SETX: variants seen among roughly 807,000 people sequenced by gnomAD.
The protein encoded by SETX is helicase senataxin.
A neutral mutation model predicts 227.2 loss-of-function variants in SETX; 90 were observed. The ratio of observed to expected loss-of-function variants is 0.40; its 90% CI spans 0.33 to 0.47. SETX has a LOEUF of 0.47. Among genes scored for constraint, SETX ranks in the 20% least tolerant of loss-of-function variants. The probability of loss-of-function intolerance (pLI) is 0.91; values close to 1 mark genes in which losing one functional copy is unlikely to be tolerated. For synonymous variants in SETX, 1,210 were observed against 1,113.2 expected, an observed-to-expected ratio of 1.09 and a Z score of -1.73; for missense variants, 3,052 against 3,181.5, an observed-to-expected ratio of 0.96 and a Z score of 0.98.
chr9:132,337,993 A>T (rs531285259), intron 5 of SETX, among the ~76,000 whole-genome samples: 1 of 152,262 alleles, frequency 6.6e-6, no homozygotes, highest in South Asian at 2.1e-4. Flanking sequence ...CAAGCTGAGA[A>T]GGACAGTAAC....
chr9:132,350,730 G>A (rs573632843), intron 2 of SETX, among the ~76,000 whole-genome samples: 1 of 152,160 alleles, frequency 6.6e-6, no homozygotes, highest in East Asian at 1.9e-4. Context: ...AAAGAATTTA[G>A]GGTAGCTTTC....
chr9:132,267,852 G>A (rs1842721300), intron 25 of SETX, among the ~76,000 whole-genome samples: 1 of 152,136 alleles, frequency 6.6e-6, no homozygotes, highest in South Asian at 2.1e-4. Context: ...TCACAATCAT[G>A]ATGCGCCTCA....
chr9:132,280,637 C>G (rs1278853136), intron 20 of SETX, among the ~76,000 whole-genome samples: 1 of 152,170 alleles, frequency 6.6e-6, no homozygotes, highest in Non-Finnish European at 1.5e-5. Context: ...TCATTCCAAG[C>G]TTCAACAAAA....
At chr9:132,320,548 C>T (rs1037446809) in intron 10 of SETX, among the ~76,000 whole-genome samples, 5 of 125,154 alleles carry the variant, frequency 4.0e-5, no homozygotes, top group African/African-American at 1.5e-4. Flanking sequence ...GAGCCAAGAT[C>T]GCACCACTGC....
At chr9:132,310,301 A>G (rs986853096) in intron 11 of SETX, among the ~76,000 whole-genome samples, 1 of 152,244 alleles carries the variant, frequency 6.6e-6, no homozygotes, top group Non-Finnish European at 1.5e-5. Flanking sequence ...AACTTCTCAT[A>G]TACTGCTGGT....
chr9:132,328,646 T>A lies in SETX; in HGVS notation c.2952A>T (p.Ser984=). Reference sequence around the variant, plus strand: ...CTTTTACTTTCCTTTGCAGCTGCGATGAGTTCTGAGGTGAATCGGATGGGA... The same window carrying A: ...CTTTTACTTTCCTTTGCAGCTGCGAAGAGTTCTGAGGTGAATCGGATGGGA... The part of the protein sequence containing the change: ...ITFPSDSPQN[S]SQLQRKVKED... The change falls in exon 10 of 26, where the codon TCA becomes TCT. Residue 984 remains serine, a synonymous_variant. Coordinates refer to ENST00000224140, the MANE Select transcript of SETX (RefSeq NM_015046.7). 6.2e-7 allele frequency: 1 copy of A among 1,613,318 alleles called. No homozygotes were observed. Among genetic ancestry groups the A allele is most frequent in the Non-Finnish European group, 8.5e-7 (1 of 1,179,638 alleles).
At chr9:132,336,599 C>T (rs1035415207) in intron 5 of SETX, 84 bp from the exon 6 acceptor site, 15 of 1,008,750 alleles carry the variant, frequency 1.5e-5, no homozygotes, top group Non-Finnish European at 2.0e-5. Context: ...ACAGGATTCT[C>T]TGCATATTTT....
chr9:132,340,799 G>A (rs501377), intron 5 of SETX, among the ~76,000 whole-genome samples: 112,678 of 152,172 alleles, frequency 0.74, 42,979 homozygotes, highest in Non-Finnish European at 0.83. Flanking sequence ...TTTTAGTTGA[G>A]AACAGATTTG....
rs368097534 is a variant in SETX at position 132,335,923 on chromosome 9, G to A, written c.718+373C>T. 9.3e-4 allele frequency among the ~76,000 whole-genome samples: 141 copies of A among 152,240 alleles called. 5 individuals are homozygous for A. The South Asian group carries it at 0.028, about 31-fold the overall frequency. ...GTAAGTTTCATCAGATCACCAAAGA[G>A]AACACTTCCCTTTTAGGACCCTCAT... On this transcript the variant is annotated intron_variant, in intron 6 of 25. Coordinates refer to ENST00000224140, the MANE Select transcript of SETX (RefSeq NM_015046.7).
At chr9:132,348,565 A>C (rs997581896) in intron 3 of SETX, among the ~76,000 whole-genome samples, 1 of 152,114 alleles carries the variant, frequency 6.6e-6, no homozygotes, top group African/African-American at 2.4e-5. Context: ...TTTCAATTCC[A>C]TCCGTGATAA....
rs1842525090 is a variant in SETX at position 132,264,404 on chromosome 9, A to G, written c.7869T>C (p.Asp2623=). 3.1e-6 allele frequency: 5 copies of G among 1,614,128 alleles called. No homozygotes were observed. Among genetic ancestry groups the G allele is most frequent in the Non-Finnish European group, 4.2e-6 (5 of 1,180,024 alleles). Residue 2623 remains aspartate (D), a synonymous_variant, in exon 26 of 26, where the codon GAT becomes GAC. Coordinates refer to ENST00000224140, the MANE Select transcript of SETX (RefSeq NM_015046.7). Reference sequence around the variant, plus strand: ...TGTGACAGAGCTCCTCTTCCGGGTCATCACATTTGCTCTGACACGTGGAAG... The same window carrying G: ...TGTGACAGAGCTCCTCTTCCGGGTCGTCACATTTGCTCTGACACGTGGAAG... ...PEASTCQSKC[D]DPEEELCHRR... is the part of the protein sequence containing the mutation.
In SETX at chr9:132,327,628, T is replaced by C. The variant is rs1846912716; in HGVS notation, c.3970A>G (p.Lys1324Glu). The change falls in exon 10 of 26, where the codon AAA (lysine) becomes GAA (glutamate). Residue 1324 changes from lysine (K) to glutamate (E), a missense_variant. Transcript: ENST00000224140. ...TGAGGAGAAATTAATTTAGTCTTTT[T>C]TCGGGTATCAACTACTCCAACAGTT... is the stretch of plus-strand genomic sequence containing the variant. ...GKTVGVVDTR[K>E]KTKLISPQNL... The C allele has an allele frequency of 1.2e-6, 2 of 1,614,052 alleles. No individual in the cohort carries two copies. Among genetic ancestry groups the C allele is most frequent in the African/African-American group, 2.7e-5 (2 of 75,006 alleles).
chr9:132,334,133 G>A (rs1330971599), intron 7 of SETX, among the ~76,000 whole-genome samples: 1 of 152,152 alleles, frequency 6.6e-6, no homozygotes, highest in Admixed American at 6.5e-5. Flanking sequence ...TTCTATGAAA[G>A]GAAGGTATTG....
chr9:132,337,361 T>C (rs572674145), intron 5 of SETX, among the ~76,000 whole-genome samples: 26 of 151,384 alleles, frequency 1.7e-4, no homozygotes, highest in Non-Finnish European at 2.8e-4. Flanking sequence ...CATTTCTAAA[T>C]GGCAGAATAG....
chr9:132,305,463 A>G (rs1047527244), intron 11 of SETX, among the ~76,000 whole-genome samples: 1 of 152,134 alleles, frequency 6.6e-6, no homozygotes, highest in Admixed American at 6.5e-5. Context: ...CTCATTACAA[A>G]TGAAAAAATA....
Position 132,327,783 on chromosome 9 carries a change from T to C in SETX, c.3815A>G (p.Lys1272Arg), listed in dbSNP as rs202204341. 3.5e-5 allele frequency: 56 copies of C among 1,614,214 alleles called. No homozygotes were observed. In the East Asian group the frequency reaches 5.3e-4, roughly 15 times the overall value. ...CRTTPAIVPP[K>R]KFRQCPEPTS... ...TGGCTCAGGACACTGACGAAATTTC[T>C]TTGGCGGCACTATAGCAGGAGTTGT... is the stretch of plus-strand genomic sequence containing the variant. The change falls in exon 10 of 26, where the codon AAG becomes AGG. Residue 1272 changes from lysine to arginine, a missense_variant. Physicochemically the swap from Lys to Arg is conservative, Grantham distance 26 (BLOSUM62 2). Coordinates refer to ENST00000224140, the MANE Select transcript of SETX (RefSeq NM_015046.7).
chr9:132,346,546 A>G, intron 3 of SETX, 75 bp from the exon 4 acceptor site: 1 of 1,077,682 alleles, frequency 9.3e-7, no homozygotes, highest in Admixed American at 2.0e-5. Context: ...ACGACCTAGA[A>G]AGCCTTTTCC....
chr9:132,297,297 T>C (rs1282790266), intron 13 of SETX, among the ~76,000 whole-genome samples: 7 of 152,264 alleles, frequency 4.6e-5, no homozygotes, highest in Non-Finnish European at 7.3e-5. Context: ...TACTTACAAA[T>C]ACAACTGTAC....
chr9:132,306,277 A>ATC (rs1252145675), intron 11 of SETX, among the ~76,000 whole-genome samples: 12 of 152,304 alleles, frequency 7.9e-5, no homozygotes, highest in Non-Finnish European at 1.5e-4. Context: ...CAATGGCGCA[A>ATC]TCTCGGTTCA....
Sources: gnomAD v4.1 joint callset for allele counts (sites outside exome capture counted in the v4.1 genomes callset) on GRCh38, gnomAD v4.1.1 for gene constraint, MANE v1.5 for transcripts, NCBI Gene and HGNC (gene_info 2026-07-23, HGNC 2026-07-21) for gene names.